MCTP1: variants seen among roughly 807,000 people sequenced by gnomAD.
The protein encoded by MCTP1 is multiple C2 and transmembrane domain containing 1.
A neutral mutation model predicts 120.6 loss-of-function variants in MCTP1; 69 were observed. The observed-to-expected ratio is 0.57, with a 90% CI of 0.47 to 0.70. The LOEUF (loss-of-function observed/expected upper bound fraction) is 0.70. Among genes scored for constraint, MCTP1 ranks in the 30% least tolerant of loss-of-function variants. MCTP1 has a pLI of 0.00. For missense variants in MCTP1, 1,203 were observed against 1,248.8 expected (o/e 0.96, Z 0.55); for synonymous variants, 529 against 493.1 (o/e 1.07, Z -0.96).
intron 1 of MCTP1, among the ~76,000 whole-genome samples, chr5:95,186,116 A>T (rs1266955664): frequency 1.3e-5 from 2 of 152,122 alleles, no homozygotes; most frequent in African/African-American, 2.4e-5. Flanking sequence ...ACATAAATAA[A>T]ATAAAAATAA....
chr5:95,086,350 C>CTGA lies in MCTP1; in HGVS notation c.721-68869_721-68867dup, dbSNP rs758753465. Among the ~76,000 whole-genome samples, 16 of 151,806 alleles carry CTGA rather than the reference C, an allele frequency of 1.1e-4. No homozygotes were observed. In the East Asian group the frequency reaches 2.3e-3, roughly 22 times the overall value. ...TTGAAGAAAAATACTTGGAGGCAGA[C>CTGA]TGATGATGATGATGATGATGAAATG... On this transcript the variant is annotated intron_variant, in intron 1 of 22. Transcript: ENST00000515393.
chr5:95,186,225 C>T (rs1468227879), intron 1 of MCTP1, among the ~76,000 whole-genome samples: 1 of 147,462 alleles, frequency 6.8e-6, no homozygotes, highest in Admixed American at 6.8e-5. Flanking sequence ...TTGCAGATAA[C>T]GTAATTGTCT....
chr5:94,737,867 C>T (rs1054373098), intron 19 of MCTP1, among the ~76,000 whole-genome samples: 3 of 152,244 alleles, frequency 2.0e-5, no homozygotes, highest in East Asian at 1.9e-4. Flanking sequence ...TTAGTAGAGA[C>T]GGGGTTTCAC....
intron 2 of MCTP1, among the ~76,000 whole-genome samples, chr5:94,964,640 CTGATA>C (rs1825162468): frequency 6.6e-6 from 1 of 152,084 alleles, no homozygotes. Context: ...TTTGTCTTGT[CTGATA>C]TAAGTACAGA....
chr5:95,002,875 T>A (rs1021050443), intron 2 of MCTP1, among the ~76,000 whole-genome samples: 2 of 152,148 alleles, frequency 1.3e-5, no homozygotes, highest in African/African-American at 2.4e-5. Context: ...TGGAATAATA[T>A]GGTTTGGCTT....
chr5:94,826,385 C>A (rs1787066423), intron 17 of MCTP1: 1 of 607,180 alleles, frequency 1.6e-6, no homozygotes, highest in Non-Finnish European at 3.0e-6. Flanking sequence ...AGCTTTCAGA[C>A]CTTTTGGCTC....
intron 1 of MCTP1, among the ~76,000 whole-genome samples, chr5:95,184,728 G>A (rs1257489907): frequency 5.3e-5 from 8 of 152,106 alleles, no homozygotes; most frequent in Admixed American, 4.6e-4. Flanking sequence ...AATTGCTCCT[G>A]GGGATAACAT....
intron 1 of MCTP1, among the ~76,000 whole-genome samples, chr5:95,273,167 C>T (rs1403503495): frequency 6.6e-6 from 1 of 152,236 alleles, no homozygotes; most frequent in Non-Finnish European, 1.5e-5. Context: ...TGGAAAACAT[C>T]TGGAGTCCCA....
chr5:95,124,244 T>TGACTG (rs1417270028), intron 1 of MCTP1, among the ~76,000 whole-genome samples: 1 of 152,220 alleles, frequency 6.6e-6, no homozygotes, highest in African/African-American at 2.4e-5. Flanking sequence ...TGCCTCTAGC[T>TGACTG]GACTGGCATA....
intron 7 of MCTP1, among the ~76,000 whole-genome samples, chr5:94,922,927 T>A (rs566330930): frequency 1.4e-5 from 2 of 144,630 alleles, no homozygotes; most frequent in South Asian, 4.2e-4. Context: ...GTAACTTCAG[T>A]GAAGGCAGCC....
Position 94,779,168 on chromosome 5 carries a change from A to T in MCTP1, c.2557-5T>A, listed in dbSNP as rs1776069097. ...CTCTAGCATGTCCTCCACTACCTGCAGAGAGAAACAGAAGTCGTTTTTTGT... is the reference window on the plus strand; with the variant it reads ...CTCTAGCATGTCCTCCACTACCTGCTGAGAGAAACAGAAGTCGTTTTTTGT... On this transcript the variant is annotated splice_polypyrimidine_tract_variant and splice_region_variant and intron_variant, in intron 18 of 22. Transcript: ENST00000515393. 2 of 1,613,234 alleles carry T rather than the reference A, an allele frequency of 1.2e-6. No individual in the cohort carries two copies. The highest frequency in any genetic ancestry group is 3.3e-5 in the Admixed American group (2 of 59,964).
chr5:95,035,147 C>T (rs77246265), intron 1 of MCTP1, among the ~76,000 whole-genome samples: 13,521 of 151,832 alleles, frequency 0.089, 955 homozygotes, highest in East Asian at 0.37. Flanking sequence ...ACAATCTCTA[C>T]GGAAAATAGC....
At chr5:94,896,904 A>G (rs1256337128) in intron 10 of MCTP1, among the ~76,000 whole-genome samples, 1 of 152,116 alleles carries the variant, frequency 6.6e-6, no homozygotes, top group Non-Finnish European at 1.5e-5. Context: ...GGGGAGACAT[A>G]CAGTTAGTTA....
intron 17 of MCTP1, among the ~76,000 whole-genome samples, chr5:94,836,123 T>C (rs1789687338): frequency 1.6e-5 from 2 of 128,506 alleles, no homozygotes; most frequent in Non-Finnish European, 3.1e-5. Flanking sequence ...GAGGTTGCAG[T>C]GAGCCAAGAT....
At chr5:94,943,412 A>G (rs753857363) in intron 3 of MCTP1, among the ~76,000 whole-genome samples, 1 of 152,090 alleles carries the variant, frequency 6.6e-6, no homozygotes, top group Non-Finnish European at 1.5e-5. Flanking sequence ...ATGGAGAGAG[A>G]CAGATAATGG....
At chr5:94,848,773 CTT>C (rs1793047801) in intron 17 of MCTP1, among the ~76,000 whole-genome samples, 2 of 151,628 alleles carry the variant, frequency 1.3e-5, no homozygotes, top group African/African-American at 2.4e-5. Flanking sequence ...AAATAAAACA[CTT>C]TATTTTACAA....
chr5:94,792,846 T>G (rs1779262983), intron 18 of MCTP1: 1 of 152,236 alleles, frequency 6.6e-6, no homozygotes, highest in Non-Finnish European at 1.5e-5. Flanking sequence ...CCTACAGGTC[T>G]GGAGGTAAGA....
At chr5:94,971,982 T>C (rs1826990761) in intron 2 of MCTP1, among the ~76,000 whole-genome samples, 1 of 152,142 alleles carries the variant, frequency 6.6e-6, no homozygotes, top group Non-Finnish European at 1.5e-5. Flanking sequence ...CTTTGTTCAA[T>C]TGGTAAAACA....
At chr5:94,786,816 T>C (rs1352690132) in intron 18 of MCTP1, among the ~76,000 whole-genome samples, 1 of 152,246 alleles carries the variant, frequency 6.6e-6, no homozygotes, top group African/African-American at 2.4e-5. Context: ...TTCATAAAGA[T>C]AATTCTCCAT....
Sources: gnomAD v4.1 joint callset for allele counts (sites outside exome capture counted in the v4.1 genomes callset) on GRCh38, gnomAD v4.1.1 for gene constraint, MANE v1.5 for transcripts, NCBI Gene and HGNC (gene_info 2026-07-23, HGNC 2026-07-21) for gene names.